Variants in RNF6 observed in about 807,000 individuals in gnomAD.
RNF6 encodes E3 ubiquitin-protein ligase RNF6.
RNF6 carries 21 observed loss-of-function variants against 50.1 expected under a neutral mutation model. That is an observed-to-expected ratio of 0.42 (90% CI 0.30 to 0.60). The LOEUF (loss-of-function observed/expected upper bound fraction) is 0.60. Among genes scored for constraint, RNF6 ranks in the 20% least tolerant of loss-of-function variants. RNF6 has a pLI of 0.20. For missense variants in RNF6, 698 were observed against 838.2 expected (o/e 0.83, Z 2.07); for synonymous variants, 255 against 291.8 (o/e 0.87, Z 1.29).
At chr13:26,158,352 T>C (rs1872047421) in intron 5 of RNF6, among the ~76,000 whole-genome samples, 1 of 152,234 alleles carries the variant, frequency 6.6e-6, no homozygotes, top group Non-Finnish European at 1.5e-5. Context: ...TATATGTGTA[T>C]GCTGGACGAT....
intron 5 of RNF6, among the ~76,000 whole-genome samples, chr13:26,170,957 G>T (rs1284266352): frequency 1.3e-5 from 2 of 152,116 alleles, no homozygotes; most frequent in African/African-American, 2.4e-5. Context: ...GACTATCAAA[G>T]TATTGGAAGA....
At position 26,219,504 on chromosome 13, in the gene RNF6, T is replaced by A. The variant is rs781740654; in HGVS notation, c.146A>T (p.Asp49Val). ...GTCTCTCATAAGCCGATAATCTTCA[T>A]CATTGAGTTCATTAATAAACTGATA... is the stretch of plus-strand genomic sequence containing the variant. Reference protein sequence around the residue: ...AYYQFINELNDEDYRLMRDHN... With the variant: ...AYYQFINELNVEDYRLMRDHN... Residue 49 changes from aspartate to valine, a missense_variant, in exon 3 of 5, where the codon GAT becomes GTT. Coordinates refer to ENST00000381588, the MANE Select transcript of RNF6 (RefSeq NM_005977.4). 3.1e-6 allele frequency: 5 copies of A among 1,613,968 alleles called. No homozygotes were observed. The South Asian group carries it at 4.4e-5, about 14-fold the overall frequency.
At chr13:26,166,068 GA>G (rs1872438294) in intron 5 of RNF6, among the ~76,000 whole-genome samples, 1 of 152,162 alleles carries the variant, frequency 6.6e-6, no homozygotes. Flanking sequence ...GACCCGGTGA[GA>G]GGTAATTGAA....
chr13:26,212,937 T>C lies in RNF6; in HGVS notation c.*887A>G, dbSNP rs1869411270. ...ATGCATCTGATTCTTTATAGACTTT[T>C]AGATTTTAAAACTAAATTTGAGAAA... On this transcript the variant is annotated 3_prime_UTR_variant, in exon 5 of 5. Coordinates refer to ENST00000381588, the MANE Select transcript of RNF6 (RefSeq NM_005977.4). 1.3e-5 allele frequency: 2 copies of C among 152,526 alleles called. No individual in the cohort carries two copies. The highest frequency in any genetic ancestry group is 2.9e-5 in the Non-Finnish European group (2 of 68,012). 9.4% of individuals were successfully genotyped at this position (152,526 alleles called of 1,614,324 possible). A position where few individuals can be genotyped will look rare whatever the true frequency, so the allele number is the denominator to read the frequency against.
At chr13:26,172,573 T>G (rs2137636598) in intron 5 of RNF6, among the ~76,000 whole-genome samples, 1 of 151,128 alleles carries the variant, frequency 6.6e-6, no homozygotes, top group East Asian at 2.0e-4. Flanking sequence ...AGATGGAATC[T>G]TGCTCTGTCG....
At chr13:26,133,620 G>A (rs983065307) in intron 5 of RNF6, among the ~76,000 whole-genome samples, 5 of 152,122 alleles carry the variant, frequency 3.3e-5, no homozygotes, top group African/African-American at 1.2e-4. Flanking sequence ...CCTATCCCTA[G>A]AGGTTTTTAC....
intron 5 of RNF6, among the ~76,000 whole-genome samples, chr13:26,182,431 A>AT (rs1873287251): frequency 6.6e-6 from 1 of 152,220 alleles, no homozygotes; most frequent in Non-Finnish European, 1.5e-5. Flanking sequence ...TCAGTGTGTC[A>AT]TTTTATTGAT....
chr13:26,177,281 T>A (rs1873003470), intron 5 of RNF6, among the ~76,000 whole-genome samples: 1 of 152,184 alleles, frequency 6.6e-6, no homozygotes, highest in Non-Finnish European at 1.5e-5. Context: ...TCTACTTCAT[T>A]GACTCCCATT....
At chr13:26,147,533 G>A (rs1298943601) in intron 5 of RNF6, among the ~76,000 whole-genome samples, 1 of 152,084 alleles carries the variant, frequency 6.6e-6, no homozygotes, top group Non-Finnish European at 1.5e-5. Flanking sequence ...AGGGGTGGAG[G>A]GTAGACAGGC....
At chr13:26,217,736 AAATTT>A (rs1199506755) in intron 4 of RNF6, among the ~76,000 whole-genome samples, 6 of 152,238 alleles carry the variant, frequency 3.9e-5, no homozygotes, top group South Asian at 2.1e-4. Flanking sequence ...GCTAAATTTT[AAATTT>A]AATTTGATTT....
chr13:26,199,734 T>C (rs1868822384), intron 5 of RNF6, among the ~76,000 whole-genome samples: 1 of 151,984 alleles, frequency 6.6e-6, no homozygotes, highest in African/African-American at 2.4e-5. Context: ...TGGGGTAAAA[T>C]GGGCAAGGAC....
Position 26,221,034 on chromosome 13 carries a change from A to C in RNF6, c.-19+214T>G, listed in dbSNP as rs985465493. 1.3e-4 allele frequency among the ~76,000 whole-genome samples: 20 copies of C among 152,312 alleles called. No individual in the cohort carries two copies. In the East Asian group the frequency reaches 2.9e-3, roughly 22 times the overall value. On this transcript the variant is annotated intron_variant, in intron 2 of 4. Transcript: ENST00000381588. ...ATCCACTCAAATATGAATTAACACTACTAAAAACTCAAGATCTCTATCTTC... is the reference window on the plus strand; with the variant it reads ...ATCCACTCAAATATGAATTAACACTCCTAAAAACTCAAGATCTCTATCTTC...
chr13:26,198,124 GTGTGTATA>G (rs1181098999), intron 5 of RNF6, among the ~76,000 whole-genome samples: 1 of 7,270 alleles, frequency 1.4e-4, no homozygotes, highest in Non-Finnish European at 6.2e-4. Context: ...ATGTGTGTGT[GTGTGTATA>G]TATATATATA....
chr13:26,156,532 G>A (rs1555315523), intron 5 of RNF6, among the ~76,000 whole-genome samples: 1 of 152,146 alleles, frequency 6.6e-6, no homozygotes, highest in Non-Finnish European at 1.5e-5. Flanking sequence ...GCATATTATT[G>A]TGTGTTATCA....
chr13:26,208,751 G>T (rs746003748), downstream of RNF6, among the ~76,000 whole-genome samples: 4 of 152,128 alleles, frequency 2.6e-5, no homozygotes, highest in African/African-American at 4.8e-5. Flanking sequence ...GATCCCAATT[G>T]GTTGGAGTAA....
chr13:26,204,426 G>A (rs1260013180), intron 5 of RNF6, among the ~76,000 whole-genome samples: 3 of 149,794 alleles, frequency 2.0e-5, no homozygotes, highest in Admixed American at 1.3e-4. Context: ...GAAACTGGGA[G>A]GTGGAGATTG....
intron 5 of RNF6, among the ~76,000 whole-genome samples, chr13:26,176,219 AG>A (rs1282739499): frequency 6.6e-6 from 1 of 152,162 alleles, no homozygotes; most frequent in Non-Finnish European, 1.5e-5. Flanking sequence ...TTGTTATGTC[AG>A]GGAATTTGTC....
intron 5 of RNF6, among the ~76,000 whole-genome samples, chr13:26,174,302 C>A (rs1872845575): frequency 6.6e-6 from 1 of 152,090 alleles, no homozygotes; most frequent in South Asian, 2.1e-4. Context: ...TTAGAATATG[C>A]TGGAGTTCGG....
chr13:26,187,477 G>A (rs960239479), intron 5 of RNF6, among the ~76,000 whole-genome samples: 7 of 152,082 alleles, frequency 4.6e-5, no homozygotes, highest in Admixed American at 3.9e-4. Flanking sequence ...GGCTACATAC[G>A]ACCACCCTTC....
Sources: gnomAD v4.1 joint callset for allele counts (sites outside exome capture counted in the v4.1 genomes callset) on GRCh38, gnomAD v4.1.1 for gene constraint, MANE v1.5 for transcripts, NCBI Gene and HGNC (gene_info 2026-07-23, HGNC 2026-07-21) for gene names.